Variants in VWF observed in about 807,000 individuals in gnomAD.
VWF encodes Factor VIII related antigen.
Under a neutral mutation model 308.6 loss-of-function variants are expected in VWF, and 176 were observed. The ratio of observed to expected loss-of-function variants is 0.57; its 90% CI spans 0.50 to 0.65. VWF has a LOEUF of 0.65. Among genes scored for constraint, VWF ranks in the 30% least tolerant of loss-of-function variants. The pLI is 0.00. For synonymous variants in VWF, 1,385 were observed against 1,443.4 expected (o/e 0.96, Z 0.92); for missense variants, 3,146 against 3,648.2 (o/e 0.86, Z 3.55).
chr12:5,971,741 G>A, intron 43 of VWF, 32 bp from the exon 44 acceptor site: 1 of 1,593,338 alleles, frequency 6.3e-7, no homozygotes, highest in Middle Eastern at 1.7e-4. Context: ...AGTAAGGACA[G>A]GCCAGCAGCA....
intron 35 of VWF, among the ~76,000 whole-genome samples, chr12:5,995,250 T>C (rs1943796295): frequency 6.6e-6 from 1 of 152,186 alleles, no homozygotes; most frequent in Non-Finnish European, 1.5e-5. Flanking sequence ...CCACCATATA[T>C]CATATCAAAC....
chr12:6,013,996 ATGCCCAGGGCTGAGG>A, intron 31 of VWF, among the ~76,000 whole-genome samples: 2 of 152,282 alleles, frequency 1.3e-5, no homozygotes, highest in South Asian at 4.2e-4. Flanking sequence ...GGGGATGAGA[ATGCCCAGGGCTGAGG>A]TGTGGGTTAT....
chr12:6,018,962 A>C lies in VWF; in HGVS notation c.4456T>G (p.Ser1486Ala). The change falls in exon 28 of 52, where the codon TCG becomes GCG. Residue 1486 changes from serine to alanine, a missense_variant. By Grantham distance (99) the Ser-to-Ala change is moderately conservative. Transcript: ENST00000261405. ...GAGTTCCTCTTGGGCCCCAGGGTCG[A>C]AACCCCCAAGAGCCCCGGGCCCACA... The part of the protein sequence containing the change: ...VTVGPGLLGV[S>A]TLGPKRNSMV... The C allele has an allele frequency of 6.2e-7, 1 of 1,613,924 alleles. No individual in the cohort carries two copies. The highest frequency in any genetic ancestry group is 8.5e-7 in the Non-Finnish European group (1 of 1,179,838).
intron 42 of VWF, among the ~76,000 whole-genome samples, chr12:5,976,814 T>C (rs1943539397): frequency 6.6e-6 from 1 of 152,050 alleles, no homozygotes; most frequent in African/African-American, 2.4e-5. Flanking sequence ...TAGGCTCTGG[T>C]AGAGATGTGG....
In VWF at chr12:5,949,028, T is replaced by C. The variant is rs938017810; in HGVS notation, c.8429A>G (p.Lys2810Arg). 1.2e-6 allele frequency: 2 copies of C among 1,613,436 alleles called. No individual in the cohort carries two copies. The highest frequency in any genetic ancestry group is 1.7e-5 in the Admixed American group (1 of 59,924). The change falls in exon 52 of 52, where the codon AAG (lysine) becomes AGG (arginine). Residue 2810 changes from lysine to arginine, a missense_variant. This residue lies in a region of VWF where 989 missense variants were observed against 1,117.4 expected (regional missense o/e 0.89). Transcript: ENST00000261405. ...NAMECKCSPR[K>R]CSK ...GCTGCAGCAGCCTCACTTGCTGCAC[T>C]TCCTGGGGGAGCATTTGCACTCCAT...
intron 6 of VWF, among the ~76,000 whole-genome samples, chr12:6,081,902 AAC>A (rs1944915145): frequency 6.6e-6 from 1 of 152,172 alleles, no homozygotes; most frequent in African/African-American, 2.4e-5. Context: ...AAAACTGTAA[AAC>A]AGTGTCATTT....
At chr12:6,110,020 GC>G (rs1945288773) in intron 5 of VWF, among the ~76,000 whole-genome samples, 1 of 152,070 alleles carries the variant, frequency 6.6e-6, no homozygotes, top group Admixed American at 6.6e-5. Context: ...ACATAAACTG[GC>G]CTTTTTGGAT....
At chr12:5,956,731 T>A (rs1943255960) in intron 47 of VWF, among the ~76,000 whole-genome samples, 1 of 152,158 alleles carries the variant, frequency 6.6e-6, no homozygotes, top group Non-Finnish European at 1.5e-5. Flanking sequence ...AATATTTTTG[T>A]ACAGCTGTAC....
intron 6 of VWF, among the ~76,000 whole-genome samples, chr12:6,092,057 C>T (rs536476671): frequency 1.3e-4 from 20 of 152,260 alleles, no homozygotes; most frequent in African/African-American, 2.9e-4. Context: ...TGTGGCCTGT[C>T]GCGTCCATCA....
intron 10 of VWF, among the ~76,000 whole-genome samples, chr12:6,068,134 CA>C (rs200782717): frequency 0.048 from 2,788 of 57,814 alleles, 49 homozygotes; most frequent in African/African-American, 0.12. Flanking sequence ...AACTCTGTCT[CA>C]AAAAAAAAAA....
At chr12:5,949,571 T>A (rs71581032) in intron 51 of VWF, among the ~76,000 whole-genome samples, 1 of 152,204 alleles carries the variant, frequency 6.6e-6, no homozygotes, top group Non-Finnish European at 1.5e-5. Context: ...TGTAAAGGAT[T>A]TGCTGAGTCT....
At chr12:5,965,791 G>A (rs760033934) in intron 47 of VWF, among the ~76,000 whole-genome samples, 3 of 152,210 alleles carry the variant, frequency 2.0e-5, no homozygotes, top group East Asian at 1.9e-4. Flanking sequence ...AGCGGAGGAC[G>A]CTGAGCTAGA....
chr12:6,102,245 C>T (rs543779360), intron 5 of VWF, among the ~76,000 whole-genome samples: 3 of 150,986 alleles, frequency 2.0e-5, no homozygotes, highest in South Asian at 4.2e-4. Context: ...AGTTTGAGAC[C>T]AGCTTGGTCA....
chr12:6,077,392 G>C (rs1944856435), intron 6 of VWF, among the ~76,000 whole-genome samples: 1 of 152,190 alleles, frequency 6.6e-6, no homozygotes, highest in African/African-American at 2.4e-5. Flanking sequence ...AAGTGCAGCA[G>C]GTAGGCTCAT....
Position 6,036,474 on chromosome 12 carries a change from T to G in VWF, c.2460A>C (p.Arg820Ser). The part of the protein sequence containing the change: ...CPPGMVRHEN[R>S]CVALERCPCF... ...AGGGACACCTTTCCAGGGCCACACA[T>G]CTGTTCTCATGCCGGACCTAAGAGA... is the stretch of plus-strand genomic sequence containing the variant. The change falls in exon 19 of 52, where the codon AGA becomes AGC. Residue 820 changes from arginine (R) to serine (S), a missense_variant. Physicochemically the swap from Arg to Ser is moderately radical, Grantham distance 110. Transcript: ENST00000261405. 1.2e-6 allele frequency: 2 copies of G among 1,614,160 alleles called. No individual in the cohort carries two copies. Among genetic ancestry groups the G allele is most frequent in the Non-Finnish European group, 1.7e-6 (2 of 1,180,010 alleles).
rs990489589 is a variant in VWF at position 6,020,483 on chromosome 12, G to A, written c.3675-740C>T. Among the ~76,000 whole-genome samples the A allele has an allele frequency of 3.3e-5, 5 of 152,210 alleles. No homozygotes were observed. Among genetic ancestry groups the A allele is most frequent in the Non-Finnish European group, 7.3e-5 (5 of 68,036 alleles). ...GGCCAGGCTCTGTGCCCAGCCCCAA[G>A]CACACACCACAAGTCTGTAGTAGAG... On this transcript the variant is annotated intron_variant, in intron 27 of 51. Transcript: ENST00000261405. This position sits in a 1 kb window ranked among gnomAD's most constrained non-coding sequence, Gnocchi z 4.3.
In VWF at chr12:5,972,249, A is replaced by C. The variant is rs952868898; in HGVS notation, c.7438-540T>G. ...TTCTTTACAAAAGAAAAGTGAGATG[A>C]GAGAGCAACAGACAAAGCTTCCCCA... On this transcript the variant is annotated intron_variant, in intron 43 of 51. Transcript: ENST00000261405. Among the ~76,000 whole-genome samples the C allele has an allele frequency of 2.6e-5, 4 of 152,236 alleles. No homozygotes were observed. In the East Asian group the frequency reaches 7.7e-4, roughly 29 times the overall value.
chr12:5,960,076 ATAAT>A (rs1319142073), intron 47 of VWF, among the ~76,000 whole-genome samples: 10 of 148,078 alleles, frequency 6.8e-5, no homozygotes, highest in East Asian at 3.9e-4. Context: ...TAATATAATA[ATAAT>A]TAATATATAA....
intron 34 of VWF, among the ~76,000 whole-genome samples, chr12:6,010,693 G>A (rs983275604): frequency 2.6e-5 from 4 of 152,192 alleles, no homozygotes; most frequent in East Asian, 1.9e-4. Context: ...AAATGACATC[G>A]AGTAATTTCC....
Sources: allele counts gnomAD v4.1 joint callset (sites outside exome capture counted in the v4.1 genomes callset), GRCh38; gene constraint gnomAD v4.1.1; regional missense constraint gnomAD v4.1.1; non-coding constraint Gnocchi (gnomAD v3.1); transcripts MANE v1.5; gene names NCBI Gene and HGNC (gene_info 2026-07-23, HGNC 2026-07-21).